The following SYNJ2 variants were observed in gnomAD, a reference collection of about 807,000 sequenced individuals.
The protein encoded by SYNJ2 is polyphosphatidylinositol phosphatase SYNJ2.
Under a neutral mutation model 141.3 loss-of-function variants are expected in SYNJ2, and 116 were observed. The observed-to-expected ratio is 0.82, with a 90% CI of 0.71 to 0.96. The LOEUF (loss-of-function observed/expected upper bound fraction) is 0.96. Among genes scored for constraint, SYNJ2 ranks in the 40% least tolerant of loss-of-function variants. The pLI is 0.00. For synonymous variants in SYNJ2, 745 were observed against 777.7 expected (o/e 0.96, Z 0.70); for missense variants, 1,873 against 1,934.8 (o/e 0.97, Z 0.60).
At position 158,071,665 on chromosome 6, in the gene SYNJ2, C is replaced by G; in HGVS notation, c.2004C>G (p.Val668=). Residue 668 remains valine (V), a synonymous_variant, in exon 15 of 27, where the codon GTC becomes GTG. Coordinates refer to ENST00000355585, the MANE Select transcript of SYNJ2 (RefSeq NM_003898.4). This position sits in a 1 kb window ranked among gnomAD's most constrained non-coding sequence, Gnocchi z 4.3. Reference sequence around the variant, plus strand: ...GCAAGGCGGGGAACAAGGGCGCCGTCGGCATCCGCTTCCAGTTCCACAGCA... The same window carrying G: ...GCAAGGCGGGGAACAAGGGCGCCGTGGGCATCCGCTTCCAGTTCCACAGCA... ...MGGKAGNKGA[V]GIRFQFHSTS... 6.2e-7 allele frequency: 1 copy of G among 1,614,140 alleles called. No homozygotes were observed. Among genetic ancestry groups the G allele is most frequent in the Non-Finnish European group, 8.5e-7 (1 of 1,180,046 alleles).
chr6:158,063,687 A>G (rs1418477053), intron 8 of SYNJ2, 104 bp from the exon 9 acceptor site: 1 of 617,506 alleles, frequency 1.6e-6, no homozygotes, highest in South Asian at 2.1e-5. Context: ...AAAAAAAAAA[A>G]CCATGTTTCC....
intron 4 of SYNJ2, among the ~76,000 whole-genome samples, chr6:158,038,137 C>G (rs1275448008): frequency 6.6e-6 from 1 of 152,192 alleles, no homozygotes; most frequent in African/African-American, 2.4e-5. Flanking sequence ...GGGTACAGCC[C>G]GATGCTGTTG....
In SYNJ2 at chr6:158,088,690, A is replaced by G. The variant is rs1562406315; in HGVS notation, c.3374A>G (p.Asp1125Gly). The change falls in exon 24 of 27, where the codon GAT becomes GGT. Residue 1125 changes from aspartate to glycine, a missense_variant. By Grantham distance (94) the Asp-to-Gly change is moderately conservative. Transcript: ENST00000355585. ...TTAATGGTGAAAAAGTCGGCTTCAG[A>G]TGCGTCCATCTCCTCCGGCACCCAT... ...TGLMVKKSAS[D>G]ASISSGTHGQ... 14 of 1,613,926 alleles carry G rather than the reference A, an allele frequency of 8.7e-6. No individual in the cohort carries two copies. Among genetic ancestry groups the G allele is most frequent in the Non-Finnish European group, 1.2e-5 (14 of 1,179,992 alleles).
At chr6:158,083,182 T>C (rs1305836667) in intron 20 of SYNJ2, among the ~76,000 whole-genome samples, 1 of 152,118 alleles carries the variant, frequency 6.6e-6, no homozygotes, top group Non-Finnish European at 1.5e-5. Flanking sequence ...ATCTACCTGC[T>C]TCGGCCTCTC....
chr6:158,034,708 G>A (rs558182539), intron 4 of SYNJ2, among the ~76,000 whole-genome samples: 10 of 152,322 alleles, frequency 6.6e-5, no homozygotes, highest in Non-Finnish European at 1.3e-4. Context: ...TAAATATCTG[G>A]TTAAAAATGA....
At position 158,064,677 on chromosome 6, in the gene SYNJ2, C is replaced by G; in HGVS notation, c.1286C>G (p.Ala429Gly). The change falls in exon 10 of 27, where the codon GCC (alanine) becomes GGC (glycine). Residue 429 changes from alanine (A) to glycine (G), a missense_variant. Ala to Gly is a moderately conservative substitution (Grantham distance 60). Coordinates refer to ENST00000355585, the MANE Select transcript of SYNJ2 (RefSeq NM_003898.4). Reference sequence around the variant, plus strand: ...GACCGCTTTGTGGAGTCCTTCAAAGCCATGTGGTCTCTGAATGGCCACAGC... The same window carrying G: ...GACCGCTTTGTGGAGTCCTTCAAAGGCATGTGGTCTCTGAATGGCCACAGC... ...IVDRFVESFK[A>G]MWSLNGHSLS... 3 of 1,614,124 alleles carry G rather than the reference C, an allele frequency of 1.9e-6. No individual in the cohort carries two copies. Among genetic ancestry groups the G allele is most frequent in the Non-Finnish European group, 2.5e-6 (3 of 1,180,024 alleles).
chr6:157,998,285 G>T (rs1777710080), intron 1 of SYNJ2, among the ~76,000 whole-genome samples: 1 of 152,214 alleles, frequency 6.6e-6, no homozygotes, highest in Admixed American at 6.5e-5. Flanking sequence ...CAGAGCCCTG[G>T]GTTCACACAG....
At position 158,095,777 on chromosome 6, in the gene SYNJ2, A is replaced by T. The variant is rs752568108; in HGVS notation, c.3904A>T (p.Ser1302Cys). 1.1e-5 allele frequency: 18 copies of T among 1,614,194 alleles called. No individual in the cohort carries two copies. Among genetic ancestry groups the T allele is most frequent in the Non-Finnish European group, 1.5e-5 (18 of 1,180,024 alleles). ...GCCTGGGAAAGCTGCAGAGAGGCCA[A>T]GCCACAGGAAGCCAGCATCAGACGA... ...FQPGKAAERP[S>C]HRKPASDEAP... is the part of the protein sequence containing the mutation. The change falls in exon 27 of 27, where the codon AGC becomes TGC. Residue 1302 changes from serine to cysteine, a missense_variant. Ser to Cys is a moderately radical substitution (Grantham distance 112). Transcript: ENST00000355585.
intron 2 of SYNJ2, 66 bp from the exon 3 acceptor site, chr6:158,028,690 C>T: frequency 6.4e-7 from 1 of 1,572,986 alleles, no homozygotes; most frequent in Non-Finnish European, 8.6e-7. Context: ...TCCATTTGTC[C>T]CCTTGGAGCT....
chr6:158,036,492 AC>A (rs1229211755), intron 4 of SYNJ2, among the ~76,000 whole-genome samples: 1 of 152,164 alleles, frequency 6.6e-6, no homozygotes, highest in African/African-American at 2.4e-5. Flanking sequence ...GGAGGCCATT[AC>A]CCTAAGCAGA....
chr6:158,017,389 C>T, intron 2 of SYNJ2, 99 bp downstream of exon 2: 2 of 1,240,542 alleles, frequency 1.6e-6, no homozygotes, highest in Non-Finnish European at 1.1e-6. Flanking sequence ...TGTTTGACCG[C>T]TCTTCTCTCT....
rs554307035 is a variant in SYNJ2, at chr6:157,987,707, T to C, written c.127+5619T>C. Among the ~76,000 whole-genome samples, 6 of 152,336 alleles carry C rather than the reference T, an allele frequency of 3.9e-5. No homozygotes were observed. The East Asian group carries it at 5.8e-4, about 15-fold the overall frequency. On this transcript the variant is annotated intron_variant, in intron 1 of 26. Transcript: ENST00000355585. ...ATGAGCCACTGCACCTGACCACTTA[T>C]TGTTTGTAGGGAGAACATTTGAAAT...
At chr6:158,076,474 C>T (rs1782295769) in intron 16 of SYNJ2, 152 bp from the exon 17 acceptor site, 1 of 864,864 alleles carries the variant, frequency 1.2e-6, no homozygotes, top group Non-Finnish European at 1.7e-6. Flanking sequence ...AATTAAAAGA[C>T]ACATATGTCC....
In SYNJ2 at chr6:158,084,677, G is replaced by A. The variant is rs569361451; in HGVS notation, c.3208+503G>A. Among the ~76,000 whole-genome samples the A allele has an allele frequency of 2.5e-3, 386 of 152,064 alleles. 1 individual carries two copies. The highest frequency in any genetic ancestry group is 6.3e-3 in the South Asian group (30 of 4,798). On this transcript the variant is annotated intron_variant, in intron 22 of 26. Transcript: ENST00000355585. This position sits in a 1 kb window ranked among gnomAD's most constrained non-coding sequence, Gnocchi z 5.0. ...TTTTAAAAATTAGCAGGGCATGGTG[G>A]TGCACATGCCTGTAATCCCAGCTAC...
chr6:158,005,147 G>T (rs574480424), intron 1 of SYNJ2, among the ~76,000 whole-genome samples: 71 of 149,716 alleles, frequency 4.7e-4, no homozygotes, highest in Admixed American at 8.0e-4. Context: ...GCGCGATCTC[G>T]GCTCACTGCA....
At chr6:158,024,347 G>A (rs151225280) in intron 2 of SYNJ2, among the ~76,000 whole-genome samples, 4 of 152,288 alleles carry the variant, frequency 2.6e-5, no homozygotes, top group Admixed American at 6.5e-5. Flanking sequence ...CCTGAAAGGC[G>A]AAAGTTGAAC....
rs182974976 is a variant in SYNJ2, at chr6:157,994,108, C to T, written c.127+12020C>T. Among the ~76,000 whole-genome samples, 133 of 152,244 alleles carry T rather than the reference C, an allele frequency of 8.7e-4. 1 individual carries two copies. The highest frequency in any genetic ancestry group is 8.6e-3 in the Admixed American group (132 of 15,284). On this transcript the variant is annotated intron_variant, in intron 1 of 26. Coordinates refer to ENST00000355585, the MANE Select transcript of SYNJ2 (RefSeq NM_003898.4). ...GGGATTACATTACAGGTGTGAGCCA[C>T]CACACCCAGCCAGTGTGTGGTCTTT...
chr6:158,043,220 G>T lies in SYNJ2; in HGVS notation c.712-96G>T, dbSNP rs1780046979. 1 of 1,043,400 alleles carries T rather than the reference G, an allele frequency of 9.6e-7. No individual in the cohort carries two copies. The highest frequency in any genetic ancestry group is 1.5e-6 in the Non-Finnish European group (1 of 684,460). 64.6% of individuals were successfully genotyped at this position (1,043,400 alleles called of 1,614,324 possible). ...CCACCGTCCGCCCTTCATTCTGGCT[G>T]GTGTCGGGTCACAGGTGGCCGGATC... On this transcript the variant is annotated intron_variant, in intron 4 of 26. Coordinates refer to ENST00000355585, the MANE Select transcript of SYNJ2 (RefSeq NM_003898.4). This position sits in a 1 kb window ranked among gnomAD's most constrained non-coding sequence, Gnocchi z 4.0.
At chr6:158,046,983 G>A (rs1486703659) in intron 5 of SYNJ2, among the ~76,000 whole-genome samples, 1 of 152,134 alleles carries the variant, frequency 6.6e-6, no homozygotes, top group East Asian at 1.9e-4. Context: ...AACGGAGGAG[G>A]ATGCCGAGTA....
Sources: gnomAD v4.1 joint callset for allele counts (sites outside exome capture counted in the v4.1 genomes callset) on GRCh38, gnomAD v4.1.1 for gene constraint, Gnocchi (gnomAD v3.1) non-coding constraint, MANE v1.5 for transcripts, NCBI Gene and HGNC (gene_info 2026-07-23, HGNC 2026-07-21) for gene names.